The following SHROOM3 variants were observed in gnomAD, a reference collection of about 807,000 sequenced individuals.
SHROOM3 encodes the protein shroom family member 3.
A neutral mutation model predicts 138.6 loss-of-function variants in SHROOM3; 47 were observed. That is an observed-to-expected ratio of 0.34 (90% CI 0.27 to 0.43). SHROOM3 has a LOEUF of 0.43. Among genes scored for constraint, SHROOM3 ranks in the 20% least tolerant of loss-of-function variants. The pLI is 1.00. For synonymous variants in SHROOM3, 1,062 were observed against 1,063.3 expected (o/e 1.00, Z 0.02); for missense variants, 2,491 against 2,596.5 (o/e 0.96, Z 0.88).
chr4:76,762,261 GCATATAATATCTTAA>G (rs1560619960), intron 9 of SHROOM3, among the ~76,000 whole-genome samples: 1 of 152,204 alleles, frequency 6.6e-6, no homozygotes, highest in African/African-American at 2.4e-5. Context: ...GGGTGTAAGA[GCATATAATATCTTAA>G]CAGAGAAGTG....
At chr4:76,495,386 A>T (rs1731943709) in intron 1 of SHROOM3, among the ~76,000 whole-genome samples, 1 of 152,216 alleles carries the variant, frequency 6.6e-6, no homozygotes, top group Non-Finnish European at 1.5e-5. Context: ...AGAACCAATG[A>T]CTGATCAATA....
At chr4:76,477,706 C>A (rs1731516690) in intron 1 of SHROOM3, among the ~76,000 whole-genome samples, 1 of 152,156 alleles carries the variant, frequency 6.6e-6, no homozygotes. Context: ...ATAGGAACAG[C>A]TCTGGTCTGC....
intron 4 of SHROOM3, among the ~76,000 whole-genome samples, chr4:76,735,508 T>C (rs1421134809): frequency 1.3e-5 from 2 of 152,026 alleles, no homozygotes. Context: ...GAGATATGTG[T>C]AACAGGGATT....
intron 2 of SHROOM3, among the ~76,000 whole-genome samples, chr4:76,593,946 G>A (rs902932287): frequency 2.6e-5 from 4 of 152,130 alleles, no homozygotes; most frequent in East Asian, 1.9e-4. Flanking sequence ...CAGGTTGCTC[G>A]GTTATGATCA....
chr4:76,741,198 C>A lies in SHROOM3; in HGVS notation c.3025C>A (p.Arg1009=). ...VPPAARRGAR[R]RLTPEQKKRS... ...CCCTGCCGCCCGGAGAGGTGCTCGC[C>A]GGCGCCTGACTCCCGAGCAGAAGAA... Residue 1009 remains arginine, a synonymous_variant, in exon 5 of 11, where the codon CGG becomes AGG. Transcript: ENST00000296043. The surrounding 1 kb of genome is among the most constrained non-coding windows in gnomAD (Gnocchi z 6.2). The A allele has an allele frequency of 6.2e-7, 1 of 1,601,100 alleles. No homozygotes were observed. Among genetic ancestry groups the A allele is most frequent in the Non-Finnish European group, 8.5e-7 (1 of 1,174,730 alleles).
intron 2 of SHROOM3, among the ~76,000 whole-genome samples, chr4:76,671,810 GA>G (rs1718893317): frequency 6.6e-6 from 1 of 152,188 alleles, no homozygotes; most frequent in South Asian, 2.1e-4. Flanking sequence ...CTTGGAACCA[GA>G]AGTGTTTTGG....
intron 2 of SHROOM3, among the ~76,000 whole-genome samples, chr4:76,608,646 C>CATAGCATTGGACAGAGATGGT (rs1560563285): frequency 5.0e-5 from 1 of 19,850 alleles, no homozygotes; most frequent in Non-Finnish European, 2.3e-4. Flanking sequence ...CATAGCATAG[C>CATAGCATTGGACAGAGATGGT]ATAGCATAGC....
chr4:76,485,730 G>A (rs1259030969), intron 1 of SHROOM3, among the ~76,000 whole-genome samples: 1 of 152,116 alleles, frequency 6.6e-6, no homozygotes. Flanking sequence ...AAAATAAATA[G>A]AAGAGAGAAT....
chr4:76,646,201 C>G (rs928930578), intron 2 of SHROOM3, among the ~76,000 whole-genome samples: 2 of 107,156 alleles, frequency 1.9e-5, no homozygotes, highest in Non-Finnish European at 3.7e-5. Flanking sequence ...CACATGTACC[C>G]TAGAACTTAA....
chr4:76,717,638 C>A (rs1255890384), intron 3 of SHROOM3, among the ~76,000 whole-genome samples: 5 of 151,958 alleles, frequency 3.3e-5, no homozygotes, highest in African/African-American at 1.2e-4. Flanking sequence ...ATGTGTGGGG[C>A]AGGGGTATGG....
intron 1 of SHROOM3, among the ~76,000 whole-genome samples, chr4:76,447,914 T>C (rs1231724886): frequency 6.6e-6 from 1 of 152,054 alleles, no homozygotes; most frequent in African/African-American, 2.4e-5. Context: ...GTAGACCCCC[T>C]CCACTGGGCC....
intron 2 of SHROOM3, among the ~76,000 whole-genome samples, chr4:76,684,858 A>G (rs1719293648): frequency 6.6e-6 from 1 of 152,230 alleles, no homozygotes; most frequent in African/African-American, 2.4e-5. Flanking sequence ...TTCCTCCTTC[A>G]TGTTCACTAC....
chr4:76,550,102 T>A (rs1024321989), intron 1 of SHROOM3, among the ~76,000 whole-genome samples: 8 of 152,182 alleles, frequency 5.3e-5, no homozygotes, highest in Non-Finnish European at 8.8e-5. Flanking sequence ...AATTTTTTTT[T>A]ATCAGTATAG....
intron 2 of SHROOM3, among the ~76,000 whole-genome samples, chr4:76,708,500 A>G (rs1350714506): frequency 6.6e-6 from 1 of 152,220 alleles, no homozygotes; most frequent in Non-Finnish European, 1.5e-5. Context: ...TTTTCCCCCA[A>G]CAAACAAAGT....
At chr4:76,461,356 G>A (rs746761037) in intron 1 of SHROOM3, among the ~76,000 whole-genome samples, 3 of 152,256 alleles carry the variant, frequency 2.0e-5, no homozygotes, top group Non-Finnish European at 4.4e-5. Context: ...TGACTTTTAT[G>A]GAGAAACTCA....
At chr4:76,495,213 T>C (rs974928870) in intron 1 of SHROOM3, among the ~76,000 whole-genome samples, 16 of 152,322 alleles carry the variant, frequency 1.1e-4, no homozygotes, top group African/African-American at 3.8e-4. Context: ...TAAAAGCTGC[T>C]ATTGGTGCCA....
chr4:76,631,655 C>T (rs963495435), intron 2 of SHROOM3, among the ~76,000 whole-genome samples: 6 of 152,136 alleles, frequency 3.9e-5, no homozygotes, highest in East Asian at 1.9e-4. Flanking sequence ...AGAAGCACAG[C>T]GAGCAGGGTT....
At position 76,630,443 on chromosome 4, in the gene SHROOM3, C is replaced by T. The variant is rs139424296; in HGVS notation, c.323+74680C>T. ...CTCCAGGTAGTAGAGCTCTCTTATGCATTAACTTTGGTGGCACTTGCATCC... is the reference window on the plus strand; with the variant it reads ...CTCCAGGTAGTAGAGCTCTCTTATGTATTAACTTTGGTGGCACTTGCATCC... On this transcript the variant is annotated intron_variant, in intron 2 of 10. Transcript: ENST00000296043. Among the ~76,000 whole-genome samples the T allele has an allele frequency of 4.9e-3, 739 of 152,300 alleles. 7 individuals are homozygous for T. Among genetic ancestry groups the T allele is most frequent in the African/African-American group, 0.017 (716 of 41,568 alleles).
intron 1 of SHROOM3, among the ~76,000 whole-genome samples, chr4:76,526,721 T>C (rs926721543): frequency 3.3e-5 from 5 of 152,214 alleles, no homozygotes; most frequent in African/African-American, 1.2e-4. Flanking sequence ...TCCTGTCCAC[T>C]GGCTTGTTCT....
Sources: gnomAD v4.1 joint callset for allele counts (sites outside exome capture counted in the v4.1 genomes callset) on GRCh38, gnomAD v4.1.1 for gene constraint, Gnocchi (gnomAD v3.1) non-coding constraint, MANE v1.5 for transcripts, NCBI Gene and HGNC (gene_info 2026-07-23, HGNC 2026-07-21) for gene names.